The following ADARB2 variants were observed in gnomAD, a reference collection of about 807,000 sequenced individuals.
The protein encoded by ADARB2 is adenosine deaminase RNA specific B2 (inactive), also known as inactive double-stranded RNA-specific editase B2.
ADARB2 carries 25 observed loss-of-function variants against 62.2 expected under a neutral mutation model. That is an observed-to-expected ratio of 0.40 (90% CI 0.29 to 0.56). ADARB2 has a LOEUF of 0.56. Among genes scored for constraint, ADARB2 ranks in the 20% least tolerant of loss-of-function variants. The pLI, the probability that ADARB2 is intolerant of heterozygous loss-of-function variation, is 0.43. For missense variants in ADARB2, 1,071 were observed against 1,077.4 expected (o/e 0.99, Z 0.08); for synonymous variants, 572 against 500.8 (o/e 1.14, Z -1.90).
chr10:1,581,153 A>G (rs7095757), intron 1 of ADARB2, among the ~76,000 whole-genome samples: 79,883 of 152,124 alleles, frequency 0.53, 21,250 homozygotes, highest in East Asian at 0.64. Flanking sequence ...CACTGACTAG[A>G]AGCAGGGATA....
chr10:1,219,397 T>C (rs1339185516), intron 6 of ADARB2, among the ~76,000 whole-genome samples: 2 of 152,264 alleles, frequency 1.3e-5, no homozygotes, highest in African/African-American at 4.8e-5. Flanking sequence ...ATTCTTTCAC[T>C]ATACATTCAT....
chr10:1,697,852 T>G (rs561564037), intron 1 of ADARB2, among the ~76,000 whole-genome samples: 1 of 152,224 alleles, frequency 6.6e-6, no homozygotes, highest in South Asian at 2.1e-4. Context: ...TCTTTCGACT[T>G]GCTTACTCCG....
chr10:1,571,554 A>G (rs1202657355), intron 1 of ADARB2, among the ~76,000 whole-genome samples: 1 of 152,232 alleles, frequency 6.6e-6, no homozygotes. Flanking sequence ...GGAGCTATGA[A>G]GCCAGATACG....
Position 1,582,942 on chromosome 10 carries a change from G to A in ADARB2, c.100+154109C>T, listed in dbSNP as rs143696351. ...TAATGACACTACAGAGCAGTCATGG[G>A]CCTGTCTTGGAAAGCCCTCCCTGGT... On this transcript the variant is annotated intron_variant, in intron 1 of 9. Transcript: ENST00000381312. Among the ~76,000 whole-genome samples the A allele has an allele frequency of 5.5e-4, 84 of 152,318 alleles. 1 individual carries two copies. In the East Asian group the frequency reaches 0.015, roughly 27 times the overall value.
chr10:1,511,337 T>C (rs1831933989), intron 1 of ADARB2, among the ~76,000 whole-genome samples: 1 of 152,216 alleles, frequency 6.6e-6, no homozygotes, highest in Non-Finnish European at 1.5e-5. Context: ...TGGGCTTTGA[T>C]CTCATGCCTG....
intron 1 of ADARB2, among the ~76,000 whole-genome samples, chr10:1,476,064 G>A (rs1315768704): frequency 6.6e-6 from 1 of 152,146 alleles, no homozygotes; most frequent in Non-Finnish European, 1.5e-5. Flanking sequence ...TTTGAAGGTG[G>A]GAAATTGTCA....
At chr10:1,495,284 G>A (rs908131262) in intron 1 of ADARB2, among the ~76,000 whole-genome samples, 20 of 152,190 alleles carry the variant, frequency 1.3e-4, no homozygotes, top group Non-Finnish European at 1.5e-4. Flanking sequence ...CATGCTGGAG[G>A]AAACATTCAA....
In ADARB2 at chr10:1,299,847, G is replaced by A. The variant is rs192913833; in HGVS notation, c.1078-28778C>T. ...TCCCCTGTGCTTCCGGAGGCCATGC[G>A]GACACCCTGGCCTCTTCCCTGCTCT... On this transcript the variant is annotated intron_variant, in intron 3 of 9. Transcript: ENST00000381312. Among the ~76,000 whole-genome samples, 81 of 152,290 alleles carry A rather than the reference G, an allele frequency of 5.3e-4. 1 individual carries two copies. The highest frequency in any genetic ancestry group is 1.8e-3 in the African/African-American group (73 of 41,562).
chr10:1,341,766 T>C (rs1386371539), intron 3 of ADARB2, among the ~76,000 whole-genome samples: 1 of 151,850 alleles, frequency 6.6e-6, no homozygotes, highest in African/African-American at 2.4e-5. Context: ...GAGAACAAAG[T>C]GTCCCTCAGT....
chr10:1,669,264 G>A (rs539714336), intron 1 of ADARB2, among the ~76,000 whole-genome samples: 13 of 152,262 alleles, frequency 8.5e-5, no homozygotes, highest in African/African-American at 2.9e-4. Flanking sequence ...GATACCACGC[G>A]TGTCTCCCAG....
intron 1 of ADARB2, among the ~76,000 whole-genome samples, chr10:1,682,710 A>G (rs777303564): frequency 1.3e-5 from 2 of 152,236 alleles, no homozygotes; most frequent in Non-Finnish European, 2.9e-5. Context: ...GGGGTCCCCC[A>G]ACACCGTGGC....
chr10:1,557,552 C>G (rs1832723098), intron 1 of ADARB2, among the ~76,000 whole-genome samples: 1 of 152,200 alleles, frequency 6.6e-6, no homozygotes, highest in South Asian at 2.1e-4. Flanking sequence ...AACAAAGCCT[C>G]CAACAGTTCT....
intron 1 of ADARB2, among the ~76,000 whole-genome samples, chr10:1,631,106 AACAGTG>A (rs1833837364): frequency 6.6e-6 from 1 of 152,136 alleles, no homozygotes; most frequent in African/African-American, 2.4e-5. Context: ...CCAGTGCCCC[AACAGTG>A]AGTTCCTAGC....
chr10:1,562,639 C>T (rs1267017795), intron 1 of ADARB2, among the ~76,000 whole-genome samples: 2 of 151,614 alleles, frequency 1.3e-5, no homozygotes, highest in Non-Finnish European at 2.9e-5. Flanking sequence ...GAGAATGACA[C>T]CCCCCTGGTT....
At chr10:1,645,004 G>A (rs1834021624) in intron 1 of ADARB2, among the ~76,000 whole-genome samples, 4 of 152,210 alleles carry the variant, frequency 2.6e-5, no homozygotes, top group Admixed American at 2.6e-4. Context: ...CCAGCGTTTG[G>A]CTAAGGAGGG....
chr10:1,391,787 T>C (rs1283076180), intron 1 of ADARB2, among the ~76,000 whole-genome samples: 9 of 146,324 alleles, frequency 6.2e-5, no homozygotes, highest in Non-Finnish European at 1.4e-4. Context: ...TTTTTTTTTT[T>C]TTTGTGAGAC....
Position 1,645,348 on chromosome 10 carries a change from T to C in ADARB2, c.100+91703A>G, listed in dbSNP as rs72766738. Among the ~76,000 whole-genome samples, 375 of 152,328 alleles carry C rather than the reference T, an allele frequency of 2.5e-3. 1 individual carries two copies. Among genetic ancestry groups the C allele is most frequent in the Admixed American group, 5.9e-3 (90 of 15,302 alleles). ...TATATGTCCCTACTGGGAGGTTAGATGGACCAGGGTAGAGATGCATGCCAG... is the reference window on the plus strand; with the variant it reads ...TATATGTCCCTACTGGGAGGTTAGACGGACCAGGGTAGAGATGCATGCCAG... On this transcript the variant is annotated intron_variant, in intron 1 of 9. Coordinates refer to ENST00000381312, the MANE Select transcript of ADARB2 (RefSeq NM_018702.4).
chr10:1,515,405 C>A (rs577659669), intron 1 of ADARB2, among the ~76,000 whole-genome samples: 1 of 152,340 alleles, frequency 6.6e-6, no homozygotes, highest in East Asian at 1.9e-4. Context: ...GCCTGGCTGC[C>A]GCCGTGACCC....
chr10:1,260,260 C>G (rs1390966988), intron 4 of ADARB2, among the ~76,000 whole-genome samples: 2 of 152,176 alleles, frequency 1.3e-5, no homozygotes, highest in African/African-American at 4.8e-5. Flanking sequence ...GATGCCCTCT[C>G]TCACCACTCC....
Sources: allele counts gnomAD v4.1 joint callset (sites outside exome capture counted in the v4.1 genomes callset), GRCh38; gene constraint gnomAD v4.1.1; transcripts MANE v1.5; gene names NCBI Gene and HGNC (gene_info 2026-07-23, HGNC 2026-07-21).